LY6G6F: variants seen among roughly 807,000 people sequenced by gnomAD.
The protein encoded by LY6G6F is lymphocyte antigen 6 family member G6F, also known as lymphocyte antigen 6 complex locus protein G6f.
Under a neutral mutation model 33.0 loss-of-function variants are expected in LY6G6F, and 26 were observed. That is an observed-to-expected ratio of 0.79 (90% CI 0.58 to 1.09). The LOEUF is 1.09. LY6G6F is among the 50% of genes least tolerant of loss of function. The pLI, the probability that LY6G6F is intolerant of heterozygous loss-of-function variation, is 0.00. For synonymous variants in LY6G6F, 132 were observed against 148.1 expected (o/e 0.89, Z 0.79); for missense variants, 317 against 372.0 (o/e 0.85, Z 1.22).
Position 31,710,397 on chromosome 6 carries a change from A to G in LY6G6F, c.848A>G (p.Asn283Ser), listed in dbSNP as rs753064200. The change falls in exon 5 of 6, where the codon AAC becomes AGC. Residue 283 changes from asparagine (N) to serine (S), a missense_variant. By Grantham distance (46) the Asn-to-Ser change is conservative. Coordinates refer to ENST00000375832, the MANE Select transcript of LY6G6F (RefSeq NM_001003693.3). The surrounding 1 kb of genome is among the most constrained non-coding windows in gnomAD (Gnocchi z 4.7). Reference protein sequence around the residue: ...QFKPEIQVYENIHLARLGPPA... With the variant: ...QFKPEIQVYESIHLARLGPPA... ...AAACCCGAAATCCAGGTCTATGAGA[A>G]CATCCATTTGGCCCGTCTTGGGTGA... is the stretch of plus-strand genomic sequence containing the variant. 1.2e-5 allele frequency: 19 copies of G among 1,614,034 alleles called. No individual in the cohort carries two copies. The East Asian group carries it at 4.0e-4, about 34-fold the overall frequency.
In LY6G6F at chr6:31,710,212, G is replaced by A; in HGVS notation, c.802+31G>A. Reference sequence around the variant, plus strand: ...TCCCTCCCTCCCCGGGGAAAGAAGAGGGCACATGGGTGGGAGGCAAAGGGC... The same window carrying A: ...TCCCTCCCTCCCCGGGGAAAGAAGAAGGCACATGGGTGGGAGGCAAAGGGC... On this transcript the variant is annotated intron_variant, in intron 4 of 5. Transcript: ENST00000375832. This position sits in a 1 kb window ranked among gnomAD's most constrained non-coding sequence, Gnocchi z 4.7. The A allele has an allele frequency of 6.2e-7, 1 of 1,607,752 alleles. No individual in the cohort carries two copies.
Position 31,710,353 on chromosome 6 carries a change from T to A in LY6G6F, c.804T>A (p.Asp268Glu). The change falls in exon 5 of 6, where the codon GAT becomes GAA. Residue 268 changes from aspartate to glutamate, a missense_variant and splice_region_variant. Coordinates refer to ENST00000375832, the MANE Select transcript of LY6G6F (RefSeq NM_001003693.3). The surrounding 1 kb of genome is among the most constrained non-coding windows in gnomAD (Gnocchi z 4.7). ...TCCCTGATGGCTCCTTCTCCCCAGATGCCTCGATTCCTCAGTTCAAACCCG... is the reference window on the plus strand; with the variant it reads ...TCCCTGATGGCTCCTTCTCCCCAGAAGCCTCGATTCCTCAGTTCAAACCCG... Reference protein sequence around the residue: ...RQRVRGAPGRDASIPQFKPEI... With the variant: ...RQRVRGAPGREASIPQFKPEI... 1 of 1,614,058 alleles carries A rather than the reference T, an allele frequency of 6.2e-7. No individual in the cohort carries two copies. The highest frequency in any genetic ancestry group is 1.1e-5 in the South Asian group (1 of 91,086).
At position 31,710,163 on chromosome 6, in the gene LY6G6F, C is replaced by A. The variant is rs371980155; in HGVS notation, c.784C>A (p.Arg262Ser). 3 of 1,612,190 alleles carry A rather than the reference C, an allele frequency of 1.9e-6. No homozygotes were observed. The highest frequency in any genetic ancestry group is 2.2e-5 in the South Asian group (2 of 91,048). The change falls in exon 4 of 6, where the codon CGT becomes AGT. Residue 262 changes from arginine (R) to serine (S), a missense_variant. Coordinates refer to ENST00000375832, the MANE Select transcript of LY6G6F (RefSeq NM_001003693.3). The surrounding 1 kb of genome is among the most constrained non-coding windows in gnomAD (Gnocchi z 4.7). ...LSIVLWRQRV[R>S]GAPGRDASIP... ...CATCGTGCTCTGGAGGCAGAGGGTC[C>A]GTGGGGCTCCAGGCAGAGGTGAGTC...
intron 3 of LY6G6F, among the ~76,000 whole-genome samples, chr6:31,708,392 G>T (rs557209846): frequency 1.9e-4 from 29 of 152,190 alleles, no homozygotes; most frequent in Middle Eastern, 6.8e-3. Context: ...TTGCTATGTT[G>T]CCCAGTCTGG....
chr6:31,707,358 C>A lies in LY6G6F; in HGVS notation c.53-100C>A. ...AATGTGGTCACCAGCCAGGCCTGTG[C>A]TGGGGGACCCCAGAAGGGAAGGAAG... On this transcript the variant is annotated intron_variant, in intron 1 of 5. Coordinates refer to ENST00000375832, the MANE Select transcript of LY6G6F (RefSeq NM_001003693.3). This position sits in a 1 kb window ranked among gnomAD's most constrained non-coding sequence, Gnocchi z 4.1. 2.8e-6 allele frequency: 3 copies of A among 1,078,700 alleles called. No homozygotes were observed. Among genetic ancestry groups the A allele is most frequent in the East Asian group, 2.5e-5 (1 of 40,006 alleles). 66.8% of individuals were successfully genotyped at this position (1,078,700 alleles called of 1,614,324 possible). A position where few individuals can be genotyped will look rare whatever the true frequency, so the allele number is the denominator to read the frequency against.
intron 3 of LY6G6F, among the ~76,000 whole-genome samples, chr6:31,709,352 C>A (rs1269723957): frequency 6.6e-6 from 1 of 151,768 alleles, no homozygotes; most frequent in East Asian, 1.9e-4. Flanking sequence ...CTCTGACTCC[C>A]TGGTTCAAGT....
Position 31,707,754 on chromosome 6 carries a change from A to G in LY6G6F, c.349A>G (p.Asn117Asp). The G allele has an allele frequency of 3.7e-6, 6 of 1,614,108 alleles. No individual in the cohort carries two copies. In the South Asian group the frequency reaches 6.6e-5, roughly 18 times the overall value. Residue 117 changes from asparagine to aspartate, a missense_variant, in exon 2 of 6, where the codon AAC becomes GAC. Transcript: ENST00000375832. The surrounding 1 kb of genome is among the most constrained non-coding windows in gnomAD (Gnocchi z 4.1). ...GCTAGGTCAGCACCACAACTACCAG[A>G]ACTGGAGGGTGTACGACGTCTTGGT... ...AVLGQHHNYQNWRVYDVLVLK... is the reference protein window; with the variant it reads ...AVLGQHHNYQDWRVYDVLVLK...
chr6:31,709,074 T>TTTC (rs1805829420), intron 3 of LY6G6F, among the ~76,000 whole-genome samples: 2 of 135,758 alleles, frequency 1.5e-5, no homozygotes, highest in African/African-American at 5.7e-5. Flanking sequence ...CTTTTTTTTT[T>TTTC]TTTTTTTTTT....
In LY6G6F at chr6:31,707,992, C is replaced by G; in HGVS notation, c.504C>G (p.Gly168=). ...TWQEGKGPVR[G]RVQSFWGSEA... Reference sequence around the variant, plus strand: ...AGGAAGGGAAGGGTCCCGTGAGGGGCCGTGTTCAGTCCTTCTGGGGCAGTG... The same window carrying G: ...AGGAAGGGAAGGGTCCCGTGAGGGGGCGTGTTCAGTCCTTCTGGGGCAGTG... Residue 168 remains glycine, a synonymous_variant, in exon 3 of 6, where the codon GGC becomes GGG. Coordinates refer to ENST00000375832, the MANE Select transcript of LY6G6F (RefSeq NM_001003693.3). The surrounding 1 kb of genome is among the most constrained non-coding windows in gnomAD (Gnocchi z 4.1). The G allele has an allele frequency of 2.5e-6, 4 of 1,613,088 alleles. No individual in the cohort carries two copies. The highest frequency in any genetic ancestry group is 3.4e-6 in the Non-Finnish European group (4 of 1,180,034).
Position 31,707,073 on chromosome 6 carries a change from C to T in LY6G6F, c.52+115C>T. The T allele has an allele frequency of 8.9e-7, 1 of 1,126,194 alleles. No homozygotes were observed. The highest frequency in any genetic ancestry group is 2.1e-4 in the Middle Eastern group (1 of 4,850). 69.8% of individuals were successfully genotyped at this position (1,126,194 alleles called of 1,614,324 possible). A position where few individuals can be genotyped will look rare whatever the true frequency, so the allele number is the denominator to read the frequency against. On this transcript the variant is annotated intron_variant, in intron 1 of 5. Coordinates refer to ENST00000375832, the MANE Select transcript of LY6G6F (RefSeq NM_001003693.3). The surrounding 1 kb of genome is among the most constrained non-coding windows in gnomAD (Gnocchi z 4.1). ...CTGACTCAAGAAGATAGAATTACCC[C>T]AACCAACCTCCTCCTGCCTCTGACA...
In LY6G6F at chr6:31,710,251, C is replaced by T. The variant is rs805288; in HGVS notation, c.802+70C>T. The T allele has an allele frequency of 0.28, 458,316 of 1,610,490 alleles. 69,787 individuals carry two copies. The highest frequency in any genetic ancestry group is 0.55 in the African/African-American group (41,101 of 74,878). On this transcript the variant is annotated intron_variant, in intron 4 of 5. Coordinates refer to ENST00000375832, the MANE Select transcript of LY6G6F (RefSeq NM_001003693.3). The surrounding 1 kb of genome is among the most constrained non-coding windows in gnomAD (Gnocchi z 4.7). ...GAGGCAAAGGGCTAGGCTCACACCC[C>T]GCCTCTGTACCCCACCTCCTCTAGG...
chr6:31,707,776 T>A lies in LY6G6F; in HGVS notation c.371T>A (p.Leu124Ter), dbSNP rs757082853. 17 of 1,612,730 alleles carry A rather than the reference T, an allele frequency of 1.1e-5. No individual in the cohort carries two copies. The South Asian group carries it at 1.1e-4, about 10-fold the overall frequency. Residue 124 changes from leucine (L) to a stop codon, truncating the protein, a stop_gained, in exon 2 of 6, where the codon TTG becomes TAG. Transcript: ENST00000375832. LOFTEE classifies it high-confidence loss of function. The surrounding 1 kb of genome is among the most constrained non-coding windows in gnomAD (Gnocchi z 4.1). ...CAGAACTGGAGGGTGTACGACGTCT[T>A]GGTGCTCAAAGGTGAGTGGGGGCAT... ...NYQNWRVYDV[L>*]VLKGSQLSAR...
At position 31,707,923 on chromosome 6, in the gene LY6G6F, G is replaced by C. The variant is rs771620580; in HGVS notation, c.435G>C (p.Leu145=). 4 of 1,613,380 alleles carry C rather than the reference G, an allele frequency of 2.5e-6. No homozygotes were observed. In the South Asian group the frequency reaches 4.4e-5, roughly 18 times the overall value. Residue 145 remains leucine (L), a synonymous_variant, in exon 3 of 6, where the codon CTG becomes CTC. Transcript: ENST00000375832. The surrounding 1 kb of genome is among the most constrained non-coding windows in gnomAD (Gnocchi z 4.1). ...AADGSPCNVL[L]CSVVPSRRMD... ...ATGGATCCCCCTGCAATGTCCTCCTGTGCTCTGTGGTCCCCAGCAGACGCA... is the reference window on the plus strand; with the variant it reads ...ATGGATCCCCCTGCAATGTCCTCCTCTGCTCTGTGGTCCCCAGCAGACGCA...
intron 3 of LY6G6F, among the ~76,000 whole-genome samples, chr6:31,709,166 G>T (rs2151277838): frequency 7.5e-6 from 1 of 133,036 alleles, no homozygotes; most frequent in African/African-American, 2.9e-5. Flanking sequence ...TCTGCCTCTT[G>T]GGTTCAAGCT....
Position 31,710,491 on chromosome 6 carries a change from T to C in LY6G6F, c.869+73T>C, listed in dbSNP as rs778446012. On this transcript the variant is annotated intron_variant, in intron 5 of 5. Transcript: ENST00000375832. The surrounding 1 kb of genome is among the most constrained non-coding windows in gnomAD (Gnocchi z 4.7). Reference sequence around the variant, plus strand: ...GGATGGAGAGGAAACACGGGTTGGGTTGGGGATGGGCCCTCGTTCCTGAGG... The same window carrying C: ...GGATGGAGAGGAAACACGGGTTGGGCTGGGGATGGGCCCTCGTTCCTGAGG... 8.2e-5 allele frequency: 132 copies of C among 1,613,290 alleles called. No individual in the cohort carries two copies. The highest frequency in any genetic ancestry group is 1.1e-4 in the Non-Finnish European group (125 of 1,179,540).
Position 31,707,004 on chromosome 6 carries a change from G to T in LY6G6F, c.52+46G>T. ...GATTCCTTAGCTATTTGCAAGGTTGGGGAGGGACTACTGCTCTTTCTCCTA... is the reference window on the plus strand; with the variant it reads ...GATTCCTTAGCTATTTGCAAGGTTGTGGAGGGACTACTGCTCTTTCTCCTA... On this transcript the variant is annotated intron_variant, in intron 1 of 5. Coordinates refer to ENST00000375832, the MANE Select transcript of LY6G6F (RefSeq NM_001003693.3). The surrounding 1 kb of genome is among the most constrained non-coding windows in gnomAD (Gnocchi z 4.1). The T allele has an allele frequency of 6.3e-7, 1 of 1,589,454 alleles. No homozygotes were observed. Among genetic ancestry groups the T allele is most frequent in the Non-Finnish European group, 8.6e-7 (1 of 1,157,592 alleles).
At position 31,707,383 on chromosome 6, in the gene LY6G6F, G is replaced by T; in HGVS notation, c.53-75G>T. The T allele has an allele frequency of 7.1e-7, 1 of 1,400,470 alleles. No homozygotes were observed. Among genetic ancestry groups the T allele is most frequent in the East Asian group, 2.3e-5 (1 of 42,888 alleles). The allele number at this position is 1,400,470 out of a possible 1,614,324, so 86.8% of individuals were successfully genotyped here. On this transcript the variant is annotated intron_variant, in intron 1 of 5. Coordinates refer to ENST00000375832, the MANE Select transcript of LY6G6F (RefSeq NM_001003693.3). The surrounding 1 kb of genome is among the most constrained non-coding windows in gnomAD (Gnocchi z 4.1). ...CTGGGGGACCCCAGAAGGGAAGGAA[G>T]CCAGGGTTGAAGATCAAATGGGGGG...
chr6:31,710,258 G>C lies in LY6G6F; in HGVS notation c.802+77G>C. The stretch of plus-strand genomic sequence containing the variant: ...AGGGCTAGGCTCACACCCCGCCTCT[G>C]TACCCCACCTCCTCTAGGGGAGGGG... On this transcript the variant is annotated intron_variant, in intron 4 of 5. Coordinates refer to ENST00000375832, the MANE Select transcript of LY6G6F (RefSeq NM_001003693.3). This position sits in a 1 kb window ranked among gnomAD's most constrained non-coding sequence, Gnocchi z 4.7. 6.2e-7 allele frequency: 1 copy of C among 1,612,202 alleles called. No homozygotes were observed.
In LY6G6F at chr6:31,707,691, T is replaced by G; in HGVS notation, c.286T>G (p.Ser96Ala). The change falls in exon 2 of 6, where the codon TCC (serine) becomes GCC (alanine). Residue 96 changes from serine (S) to alanine (A), a missense_variant. Ser to Ala is a moderately conservative substitution (Grantham distance 99). Coordinates refer to ENST00000375832, the MANE Select transcript of LY6G6F (RefSeq NM_001003693.3). This position sits in a 1 kb window ranked among gnomAD's most constrained non-coding sequence, Gnocchi z 4.1. ...LGNYSLWLEG[S>A]KEEDAGRYWC... is the part of the protein sequence containing the mutation. The stretch of plus-strand genomic sequence containing the variant: ...GAACTATTCTTTGTGGTTGGAGGGA[T>G]CCAAAGAGGAAGATGCCGGGCGGTA... 1 of 1,613,990 alleles carries G rather than the reference T, an allele frequency of 6.2e-7. No homozygotes were observed. Among genetic ancestry groups the G allele is most frequent in the Non-Finnish European group, 8.5e-7 (1 of 1,179,956 alleles).
Sources: allele counts gnomAD v4.1 joint callset (sites outside exome capture counted in the v4.1 genomes callset), GRCh38; gene constraint gnomAD v4.1.1; non-coding constraint Gnocchi (gnomAD v3.1); transcripts MANE v1.5; gene names NCBI Gene and HGNC (gene_info 2026-07-23, HGNC 2026-07-21).